The following BUB1B variants were observed in gnomAD, a reference collection of about 807,000 sequenced individuals.
BUB1B encodes the protein mitotic checkpoint serine/threonine-protein kinase BUB1 beta.
A neutral mutation model predicts 137.7 loss-of-function variants in BUB1B; 86 were observed. The ratio of observed to expected loss-of-function variants is 0.62; its 90% CI spans 0.52 to 0.75. BUB1B has a LOEUF of 0.75. BUB1B is among the 30% of genes least tolerant of loss of function. BUB1B has a pLI of 0.00. For missense variants in BUB1B, 1,130 were observed against 1,236.9 expected, an observed-to-expected ratio of 0.91 and a Z score of 1.30; for synonymous variants, 420 against 417.9, an observed-to-expected ratio of 1.00 and a Z score of -0.06.
At chr15:40,173,675 C>CA (rs1184540427) in intron 4 of BUB1B, among the ~76,000 whole-genome samples, 1 of 152,186 alleles carries the variant, frequency 6.6e-6, no homozygotes, top group Non-Finnish European at 1.5e-5. Flanking sequence ...CACATACACA[C>CA]AATAAAACTG....
At chr15:40,163,899 C>G (rs901597974) in intron 1 of BUB1B, among the ~76,000 whole-genome samples, 4 of 152,308 alleles carry the variant, frequency 2.6e-5, no homozygotes, top group Admixed American at 6.5e-5. Context: ...CTCATCTAGA[C>G]TGAAGTCACA....
chr15:40,167,510 T>C (rs1473832975), intron 2 of BUB1B, among the ~76,000 whole-genome samples: 1 of 151,896 alleles, frequency 6.6e-6, no homozygotes, highest in African/African-American at 2.4e-5. Context: ...GCCTGGCTAA[T>C]TTTTTGTATT....
chr15:40,215,728 C>T (rs1487707625), intron 20 of BUB1B, among the ~76,000 whole-genome samples: 1 of 152,182 alleles, frequency 6.6e-6, no homozygotes. Flanking sequence ...AAGATCATGC[C>T]ACTGCACTCC....
intron 2 of BUB1B, among the ~76,000 whole-genome samples, chr15:40,167,766 C>G (rs892041237): frequency 6.9e-6 from 1 of 145,860 alleles, no homozygotes; most frequent in African/African-American, 2.5e-5. Flanking sequence ...GTTGTTCTGC[C>G]TCATTTGTTA....
intron 18 of BUB1B, among the ~76,000 whole-genome samples, chr15:40,211,947 C>T (rs567391874): frequency 2.2e-4 from 33 of 152,274 alleles, no homozygotes; most frequent in African/African-American, 7.2e-4. Flanking sequence ...CTCAGCCTCC[C>T]GCGTAGCTGG....
At chr15:40,172,333 C>T (rs2037173927) in intron 4 of BUB1B, among the ~76,000 whole-genome samples, 1 of 152,092 alleles carries the variant, frequency 6.6e-6, no homozygotes, top group Non-Finnish European at 1.5e-5. Context: ...TAGGTGTGCC[C>T]ACCCCTCACC....
rs1451780027 is a variant in BUB1B, at chr15:40,206,175, T to C, written c.1735-9T>C. 1 of 1,614,022 alleles carries C rather than the reference T, an allele frequency of 6.2e-7. No individual in the cohort carries two copies. The highest frequency in any genetic ancestry group is 1.7e-5 in the Admixed American group (1 of 60,034). On this transcript the variant is annotated splice_polypyrimidine_tract_variant and intron_variant, in intron 14 of 22. Transcript: ENST00000287598. ...ATTTTAGCTAAACTTTATATGGTCT[T>C]TATTTCAGGATGAATTTACAGGAAT...
At position 40,208,538 on chromosome 15, in the gene BUB1B, C is replaced by CA. The variant is rs200129756; in HGVS notation, c.2010-91dup. Reference sequence around the variant, plus strand: ...GGGTGACAAGAGCAAAACTCCATCTCAAAAAAAAGAAAAATGTATACATTA... The same window carrying CA: ...GGGTGACAAGAGCAAAACTCCATCTCAAAAAAAAAGAAAAATGTATACATTA... On this transcript the variant is annotated intron_variant, in intron 15 of 22. Coordinates refer to ENST00000287598, the MANE Select transcript of BUB1B (RefSeq NM_001211.6). 0.021 allele frequency: 27,403 copies of CA among 1,282,090 alleles called. 419 individuals are homozygous for CA. The highest frequency in any genetic ancestry group is 0.044 in the Middle Eastern group (168 of 3,860). The allele number at this position is 1,282,090 out of a possible 1,614,324, so 79.4% of individuals were successfully genotyped here.
At chr15:40,213,495 T>A in intron 20 of BUB1B, 21 bp downstream of exon 20, 1 of 1,613,800 alleles carries the variant, frequency 6.2e-7, no homozygotes, top group Non-Finnish European at 8.5e-7. Flanking sequence ...TTCATTCTTA[T>A]AATTCTGCCA....
chr15:40,173,463 TATC>T (rs1312818027), intron 4 of BUB1B, among the ~76,000 whole-genome samples: 6 of 152,126 alleles, frequency 3.9e-5, no homozygotes, highest in Non-Finnish European at 7.3e-5. Flanking sequence ...AGAAGAATAA[TATC>T]ATGAAGTAAA....
chr15:40,161,336 G>A lies in BUB1B; in HGVS notation c.35+81G>A, dbSNP rs2037041012. 3 of 1,495,694 alleles carry A rather than the reference G, an allele frequency of 2.0e-6. No individual in the cohort carries two copies. In the South Asian group the frequency reaches 3.8e-5, roughly 19 times the overall value. The allele number at this position is 1,495,694 out of a possible 1,614,324, so 92.7% of individuals were successfully genotyped here. A position where few individuals can be genotyped will look rare whatever the true frequency, so the allele number is the denominator to read the frequency against. On this transcript the variant is annotated intron_variant, in intron 1 of 22. Coordinates refer to ENST00000287598, the MANE Select transcript of BUB1B (RefSeq NM_001211.6). Reference sequence around the variant, plus strand: ...GTAATAGAAGGCTCCGCTCGGAGCAGTCGAGGGGGAGATCGGCACCGTCAG... The same window carrying A: ...GTAATAGAAGGCTCCGCTCGGAGCAATCGAGGGGGAGATCGGCACCGTCAG...
Position 40,206,430 on chromosome 15 carries a change from A to G in BUB1B, c.1981A>G (p.Ser661Gly). The change falls in exon 15 of 23, where the codon AGT becomes GGT. Residue 661 changes from serine to glycine, a missense_variant. Transcript: ENST00000287598. ...GCAGACAGCTTGTGGCACTATCTACAGTCAGACTCTCAGCATCAAGAAGCT... is the reference window on the plus strand; with the variant it reads ...GCAGACAGCTTGTGGCACTATCTACGGTCAGACTCTCAGCATCAAGAAGCT... ...DQQTACGTIY[S>G]QTLSIKKLSP... 6.2e-7 allele frequency: 1 copy of G among 1,614,208 alleles called. No homozygotes were observed. Among genetic ancestry groups the G allele is most frequent in the Non-Finnish European group, 8.5e-7 (1 of 1,180,034 alleles).
At chr15:40,189,435 T>C (rs1322927344) in intron 8 of BUB1B, among the ~76,000 whole-genome samples, 1 of 152,228 alleles carries the variant, frequency 6.6e-6, no homozygotes, top group Middle Eastern at 3.2e-3. Flanking sequence ...GCTGGGATTA[T>C]AGGCGTGAGC....
intron 5 of BUB1B, among the ~76,000 whole-genome samples, chr15:40,182,290 G>C (rs1490611398): frequency 6.6e-6 from 1 of 152,152 alleles, no homozygotes; most frequent in South Asian, 2.1e-4. Context: ...TCCTTTGAAA[G>C]TTGGTCACAT....
At chr15:40,177,041 G>A (rs561047979) in intron 5 of BUB1B, among the ~76,000 whole-genome samples, 156 of 152,228 alleles carry the variant, frequency 1.0e-3, no homozygotes, top group African/African-American at 3.6e-3. Flanking sequence ...AAATGGAATC[G>A]TATAATATAT....
intron 14 of BUB1B, among the ~76,000 whole-genome samples, chr15:40,203,229 A>G (rs1003044727): frequency 2.6e-5 from 4 of 152,248 alleles, no homozygotes; most frequent in Non-Finnish European, 5.9e-5. Context: ...ACAAAAAGGA[A>G]TGAAGTACTA....
At chr15:40,198,621 A>AT (rs1407128295) in intron 9 of BUB1B, among the ~76,000 whole-genome samples, 2 of 151,774 alleles carry the variant, frequency 1.3e-5, no homozygotes, top group Admixed American at 1.3e-4. Flanking sequence ...CTTCCAAATC[A>AT]TTTTTTCCCT....
intron 11 of BUB1B, among the ~76,000 whole-genome samples, chr15:40,200,581 GT>G (rs1415521328): frequency 6.6e-6 from 1 of 152,040 alleles, no homozygotes; most frequent in Non-Finnish European, 1.5e-5. Context: ...TACATATACT[GT>G]TTTTAAAAAA....
At chr15:40,167,740 A>G (rs1265670248) in intron 2 of BUB1B, among the ~76,000 whole-genome samples, 3 of 150,542 alleles carry the variant, frequency 2.0e-5, no homozygotes, top group Non-Finnish European at 4.4e-5. Context: ...TTCCTCTCAT[A>G]TGGGTTATCT....
Sources: gnomAD v4.1 joint callset for allele counts (sites outside exome capture counted in the v4.1 genomes callset) on GRCh38, gnomAD v4.1.1 for gene constraint, MANE v1.5 for transcripts, NCBI Gene and HGNC (gene_info 2026-07-23, HGNC 2026-07-21) for gene names.